The following ZFYVE28 variants were observed in gnomAD, a reference collection of about 807,000 sequenced individuals.
ZFYVE28 encodes lateral signaling target protein 2 homolog.
ZFYVE28 carries 40 observed loss-of-function variants against 82.1 expected under a neutral mutation model. The ratio of observed to expected loss-of-function variants is 0.49; its 90% CI spans 0.38 to 0.63. The LOEUF is 0.63. Ranked by LOEUF, ZFYVE28 falls within the 30% of genes least tolerant of loss-of-function variation. The probability of loss-of-function intolerance (pLI) is 0.00; values close to 1 mark genes in which losing one functional copy is unlikely to be tolerated. For missense variants in ZFYVE28, 1,321 were observed against 1,242.1 expected (o/e 1.06, Z -0.96); for synonymous variants, 612 against 546.1 (o/e 1.12, Z -1.68).
chr4:2,330,972 A>G (rs1307568664), intron 6 of ZFYVE28: 5 of 1,534,396 alleles, frequency 3.3e-6, no homozygotes, highest in Non-Finnish European at 4.4e-6. Context: ...GCCCCTGAAG[A>G]GGATCCGGCA....
At chr4:2,308,675 A>AAGAAAGAAAGAGAGAG (rs1200372952) in intron 7 of ZFYVE28, among the ~76,000 whole-genome samples, 19 of 93,216 alleles carry the variant, frequency 2.0e-4, no homozygotes, top group African/African-American at 8.0e-4. Flanking sequence ...GAAAGAAAGA[A>AAGAAAGAAAGAGAGAG]AGAGAAAGAA....
intron 1 of ZFYVE28, among the ~76,000 whole-genome samples, chr4:2,374,691 C>T (rs780094008): frequency 2.0e-5 from 3 of 152,166 alleles, no homozygotes; most frequent in Admixed American, 6.5e-5. Context: ...TATTTGTGTG[C>T]TCATATAGAA....
chr4:2,363,186 A>G (rs1726397004), intron 1 of ZFYVE28, among the ~76,000 whole-genome samples: 1 of 152,066 alleles, frequency 6.6e-6, no homozygotes, highest in Non-Finnish European at 1.5e-5. Context: ...AGAGTGGCAT[A>G]TATGTCACCC....
chr4:2,318,776 A>G (rs373531408), intron 7 of ZFYVE28, among the ~76,000 whole-genome samples: 3 of 152,306 alleles, frequency 2.0e-5, no homozygotes, highest in East Asian at 3.9e-4. Context: ...GAGGTGACTC[A>G]TACCTGTAAT....
At chr4:2,381,417 T>C (rs1728720748) in intron 1 of ZFYVE28, among the ~76,000 whole-genome samples, 2 of 152,180 alleles carry the variant, frequency 1.3e-5, no homozygotes, top group Non-Finnish European at 2.9e-5. Context: ...GTTGTTGTTG[T>C]TGTTTTTGAG....
intron 1 of ZFYVE28, among the ~76,000 whole-genome samples, chr4:2,365,740 G>A (rs1168332209): frequency 9.9e-5 from 15 of 152,166 alleles, no homozygotes; most frequent in East Asian, 1.9e-4. Flanking sequence ...CCTCCAGCTC[G>A]CCCTCAGCTG....
intron 6 of ZFYVE28, among the ~76,000 whole-genome samples, chr4:2,323,422 G>A (rs1160703374): frequency 6.6e-6 from 1 of 152,092 alleles, no homozygotes; most frequent in Non-Finnish European, 1.5e-5. Flanking sequence ...TGAGTTGTAA[G>A]GGTTCTTTAT....
chr4:2,283,251 C>G lies in ZFYVE28; in HGVS notation c.2052-9035G>C, dbSNP rs74529458. The stretch of plus-strand genomic sequence containing the variant: ...AACTAATCATCCATCCATCTATCCA[C>G]CCATGTACCCACCTGTCCACCCACC... On this transcript the variant is annotated intron_variant, in intron 8 of 12. Transcript: ENST00000290974. Among the ~76,000 whole-genome samples, 616 of 150,382 alleles carry G rather than the reference C, an allele frequency of 4.1e-3. 5 individuals carry two copies. The highest frequency in any genetic ancestry group is 0.014 in the African/African-American group (570 of 40,842).
At chr4:2,378,951 G>T (rs771230025) in intron 1 of ZFYVE28, among the ~76,000 whole-genome samples, 5 of 152,198 alleles carry the variant, frequency 3.3e-5, no homozygotes, top group African/African-American at 4.8e-5. Context: ...GGTGCCAGAG[G>T]CTCTGAGCAG....
intron 8 of ZFYVE28, among the ~76,000 whole-genome samples, chr4:2,296,849 AG>A (rs929283659): frequency 3.3e-5 from 5 of 152,074 alleles, no homozygotes; most frequent in Admixed American, 1.3e-4. Context: ...GGATCCGGAG[AG>A]CCCCCACAGC....
chr4:2,412,641 T>C (rs1452752879), intron 1 of ZFYVE28, among the ~76,000 whole-genome samples: 1 of 152,064 alleles, frequency 6.6e-6, no homozygotes, highest in Non-Finnish European at 1.5e-5. Context: ...TGGAATCAGC[T>C]CACCATTATT....
At chr4:2,385,397 G>A (rs1729148925) in intron 1 of ZFYVE28, among the ~76,000 whole-genome samples, 1 of 152,230 alleles carries the variant, frequency 6.6e-6, no homozygotes, top group Non-Finnish European at 1.5e-5. Context: ...TGCCCTTACA[G>A]CCCCAGCGCT....
intron 6 of ZFYVE28, chr4:2,329,145 G>T (rs1050513835): frequency 2.9e-6 from 2 of 695,892 alleles, no homozygotes; most frequent in Non-Finnish European, 5.3e-6. Flanking sequence ...TTCCATTTCT[G>T]CAAAACAAAA....
In ZFYVE28 at chr4:2,295,854, C is replaced by T. The variant is rs185815525; in HGVS notation, c.2051+8435G>A. 1.2e-3 allele frequency: 188 copies of T among 152,482 alleles called. 1 individual carries two copies. The highest frequency in any genetic ancestry group is 1.8e-3 in the Non-Finnish European group (123 of 68,180). 9.4% of individuals were successfully genotyped at this position (152,482 alleles called of 1,614,324 possible). A position where few individuals can be genotyped will look rare whatever the true frequency, so the allele number is the denominator to read the frequency against. ...ACTGGCCAGAGGACCAGGTAGGGGG[C>T]GTGAGGGAGAGAGGATGGTGAGGGG... is the stretch of plus-strand genomic sequence containing the variant. On this transcript the variant is annotated intron_variant, in intron 8 of 12. Coordinates refer to ENST00000290974, the MANE Select transcript of ZFYVE28 (RefSeq NM_020972.3).
intron 1 of ZFYVE28, among the ~76,000 whole-genome samples, chr4:2,377,802 G>T (rs906296815): frequency 6.6e-6 from 1 of 152,130 alleles, no homozygotes; most frequent in South Asian, 2.1e-4. Flanking sequence ...ATTTCTGAAC[G>T]ATGTGAATAT....
In ZFYVE28 at chr4:2,339,479, G is replaced by A. The variant is rs147049837; in HGVS notation, c.495C>T (p.Asp165=). 4.0e-5 allele frequency: 64 copies of A among 1,613,940 alleles called. No individual in the cohort carries two copies. The Middle Eastern group carries it at 9.9e-4, about 25-fold the overall frequency. ...EKMREALRHF[D]VLFAEFELSY... ...TGAGCTCAAACTCTGCGAACAGGAC[G>A]TCGAAGTGCCTCAGCGCTTCCCTCA... The change falls in exon 4 of 13, where the codon GAC becomes GAT. Residue 165 remains aspartate (D), a synonymous_variant. Transcript: ENST00000290974. The surrounding 1 kb of genome is among the most constrained non-coding windows in gnomAD (Gnocchi z 5.0).
intron 1 of ZFYVE28, among the ~76,000 whole-genome samples, chr4:2,411,621 G>T (rs1197787040): frequency 5.9e-5 from 9 of 152,198 alleles, no homozygotes; most frequent in Non-Finnish European, 7.3e-5. Flanking sequence ...CTGGGGTCCC[G>T]CGGACAGGAG....
At chr4:2,347,682 T>C (rs1245894180) in intron 2 of ZFYVE28, among the ~76,000 whole-genome samples, 1 of 150,168 alleles carries the variant, frequency 6.7e-6, no homozygotes. Flanking sequence ...GAATCAAACA[T>C]GAAATCAAAG....
In ZFYVE28 at chr4:2,335,547, G is replaced by A. The variant is rs1721548990; in HGVS notation, c.701+158C>T. On this transcript the variant is annotated intron_variant, in intron 6 of 12. Coordinates refer to ENST00000290974, the MANE Select transcript of ZFYVE28 (RefSeq NM_020972.3). The surrounding 1 kb of genome is among the most constrained non-coding windows in gnomAD (Gnocchi z 5.8). ...AGGACACGTGGTCCCCTGGTCTGCTGAGGGCTGACAGCAGGCCTGCCTGTC... is the reference window on the plus strand; with the variant it reads ...AGGACACGTGGTCCCCTGGTCTGCTAAGGGCTGACAGCAGGCCTGCCTGTC... Among the ~76,000 whole-genome samples the A allele has an allele frequency of 6.6e-6, 1 of 152,204 alleles. No homozygotes were observed. Among genetic ancestry groups the A allele is most frequent in the South Asian group, 2.1e-4 (1 of 4,836 alleles).
Sources: gnomAD v4.1 joint callset for allele counts (sites outside exome capture counted in the v4.1 genomes callset) on GRCh38, gnomAD v4.1.1 for gene constraint, Gnocchi (gnomAD v3.1) non-coding constraint, MANE v1.5 for transcripts, NCBI Gene and HGNC (gene_info 2026-07-23, HGNC 2026-07-21) for gene names.